Variants in CNTNAP2 observed in about 807,000 individuals in gnomAD.
The protein encoded by CNTNAP2 is contactin-associated protein-like 2.
In CNTNAP2, 98 loss-of-function variants were observed where a neutral mutation model predicts 155.2. The observed-to-expected ratio is 0.63, with a 90% CI of 0.54 to 0.75. CNTNAP2 has a LOEUF of 0.75. Ranked by LOEUF, CNTNAP2 falls within the 30% of genes least tolerant of loss-of-function variation. The probability of loss-of-function intolerance (pLI) is 0.00; values close to 1 mark genes in which losing one functional copy is unlikely to be tolerated. For synonymous variants in CNTNAP2, 651 were observed against 631.2 expected (o/e 1.03, Z -0.47); for missense variants, 1,727 against 1,688.1 (o/e 1.02, Z -0.40).
chr7:147,727,346 A>G (rs891443637), intron 13 of CNTNAP2, among the ~76,000 whole-genome samples: 1 of 152,006 alleles, frequency 6.6e-6, no homozygotes, highest in Non-Finnish European at 1.5e-5. Context: ...TACCAGGTAA[A>G]GAGATTCTAA....
chr7:146,563,202 T>C (rs1350197706), intron 1 of CNTNAP2, among the ~76,000 whole-genome samples: 1 of 152,212 alleles, frequency 6.6e-6, no homozygotes, highest in Non-Finnish European at 1.5e-5. Context: ...TTCGTTGTTG[T>C]TCCTTAAATA....
chr7:147,722,473 G>A (rs975260324), intron 13 of CNTNAP2, among the ~76,000 whole-genome samples: 1 of 152,028 alleles, frequency 6.6e-6, no homozygotes, highest in Non-Finnish European at 1.5e-5. Flanking sequence ...GTTACAGGAA[G>A]GTCATAGTGT....
intron 1 of CNTNAP2, among the ~76,000 whole-genome samples, chr7:146,437,189 T>C (rs1442423142): frequency 1.3e-5 from 2 of 151,434 alleles, no homozygotes; most frequent in Non-Finnish European, 2.9e-5. Flanking sequence ...ATCAAGCTAA[T>C]GCCTGATGAT....
At chr7:147,115,582 G>A (rs146237456) in intron 5 of CNTNAP2, among the ~76,000 whole-genome samples, 1 of 152,168 alleles carries the variant, frequency 6.6e-6, no homozygotes, top group African/African-American at 2.4e-5. Flanking sequence ...TTCAAGCTCT[G>A]AGATTTCTTC....
At chr7:146,864,393 G>C (rs1216724738) in intron 3 of CNTNAP2, among the ~76,000 whole-genome samples, 1 of 152,050 alleles carries the variant, frequency 6.6e-6, no homozygotes, top group Non-Finnish European at 1.5e-5. Context: ...AAATGACAAA[G>C]TGTTCTTAAC....
At chr7:146,701,742 T>C (rs982278262) in intron 1 of CNTNAP2, among the ~76,000 whole-genome samples, 4 of 152,112 alleles carry the variant, frequency 2.6e-5, no homozygotes, top group Admixed American at 6.6e-5. Flanking sequence ...CTTGAAAATA[T>C]ATTATACTCT....
intron 1 of CNTNAP2, among the ~76,000 whole-genome samples, chr7:146,758,395 C>T (rs1008454351): frequency 1.3e-5 from 2 of 152,148 alleles, no homozygotes; most frequent in African/African-American, 4.8e-5. Context: ...AGGTGTGGTG[C>T]TCAACTGTCT....
intron 13 of CNTNAP2, among the ~76,000 whole-genome samples, chr7:147,785,730 G>A (rs1797728657): frequency 6.6e-6 from 1 of 152,212 alleles, no homozygotes; most frequent in Admixed American, 6.5e-5. Flanking sequence ...AGTGGCTCAT[G>A]CCTGTAATCC....
intron 20 of CNTNAP2, among the ~76,000 whole-genome samples, chr7:148,241,995 C>T (rs534959888): frequency 1.3e-5 from 2 of 152,328 alleles, no homozygotes; most frequent in East Asian, 3.9e-4. Context: ...CTCTTTCTTT[C>T]TCCAGAATAC....
intron 1 of CNTNAP2, among the ~76,000 whole-genome samples, chr7:146,467,016 C>G (rs1482497688): frequency 1.3e-5 from 2 of 152,004 alleles, no homozygotes; most frequent in Admixed American, 6.6e-5. Context: ...TCTTTAAACT[C>G]TTCTAAGTAC....
At chr7:147,298,949 T>A (rs545404377) in intron 8 of CNTNAP2, among the ~76,000 whole-genome samples, 1 of 152,340 alleles carries the variant, frequency 6.6e-6, no homozygotes, top group South Asian at 2.1e-4. Flanking sequence ...ATTCCTGGTA[T>A]AAATTATCAG....
intron 3 of CNTNAP2, chr7:146,962,919 A>T (rs1399932674): frequency 6.6e-6 from 1 of 152,220 alleles, no homozygotes; most frequent in South Asian, 2.1e-4. Flanking sequence ...TTCACCCTAG[A>T]CTGCTCTCCC....
At chr7:146,183,660 T>A (rs1798582467) in intron 1 of CNTNAP2, among the ~76,000 whole-genome samples, 1 of 151,076 alleles carries the variant, frequency 6.6e-6, no homozygotes, top group African/African-American at 2.5e-5. Context: ...CTGCAATTCC[T>A]ACTAGAAACT....
chr7:146,613,516 A>G (rs1357050541), intron 1 of CNTNAP2, among the ~76,000 whole-genome samples: 1 of 152,218 alleles, frequency 6.6e-6, no homozygotes, highest in East Asian at 1.9e-4. Flanking sequence ...TATTGAGTAA[A>G]CAAAGATAAA....
At chr7:147,989,125 T>A (rs1472393213) in intron 15 of CNTNAP2, among the ~76,000 whole-genome samples, 1 of 152,186 alleles carries the variant, frequency 6.6e-6, no homozygotes, top group Non-Finnish European at 1.5e-5. Flanking sequence ...AGAAACCACC[T>A]GAGATCTTGT....
chr7:147,330,717 GTCAGTGA>G (rs1795545496), intron 9 of CNTNAP2, among the ~76,000 whole-genome samples: 1 of 152,150 alleles, frequency 6.6e-6, no homozygotes, highest in Non-Finnish European at 1.5e-5. Flanking sequence ...AGTTGTACAA[GTCAGTGA>G]TCCTGTTCAT....
intron 1 of CNTNAP2, among the ~76,000 whole-genome samples, chr7:146,516,092 C>T (rs1307144431): frequency 2.6e-5 from 4 of 151,972 alleles, no homozygotes; most frequent in Non-Finnish European, 2.9e-5. Context: ...CTCATTTCCA[C>T]TGCAATTTCA....
intron 7 of CNTNAP2, among the ~76,000 whole-genome samples, chr7:147,129,594 A>C (rs1180570318): frequency 6.6e-6 from 1 of 152,184 alleles, no homozygotes; most frequent in Non-Finnish European, 1.5e-5. Context: ...CAGAGAGGCT[A>C]TTTGGGAGAG....
chr7:147,914,366 C>T (rs1800121381), intron 14 of CNTNAP2, among the ~76,000 whole-genome samples: 1 of 151,852 alleles, frequency 6.6e-6, no homozygotes, highest in African/African-American at 2.4e-5. Context: ...CATGGTGAAA[C>T]CCTATGTCTA....
Sources: gnomAD v4.1 joint callset for allele counts (sites outside exome capture counted in the v4.1 genomes callset) on GRCh38, gnomAD v4.1.1 for gene constraint, MANE v1.5 for transcripts, NCBI Gene and HGNC (gene_info 2026-07-23, HGNC 2026-07-21) for gene names.